Variants in SH3PXD2A observed in about 807,000 individuals in gnomAD.
SH3PXD2A encodes the protein SH3 and PX domains 2A, also known as SH3 and PX domain-containing protein 2A.
In SH3PXD2A, 32 loss-of-function variants were observed where a neutral mutation model predicts 115.2. The ratio of observed to expected loss-of-function variants is 0.28; its 90% CI spans 0.21 to 0.37. The LOEUF (loss-of-function observed/expected upper bound fraction) is 0.37, where lower values mean the gene tolerates loss of function less well. Ranked by LOEUF, SH3PXD2A falls within the 10% of genes least tolerant of loss-of-function variation. SH3PXD2A has a pLI of 1.00. For missense variants in SH3PXD2A, 1,328 were observed against 1,498.7 expected, an observed-to-expected ratio of 0.89 and a Z score of 1.88; for synonymous variants, 610 against 629.1, an observed-to-expected ratio of 0.97 and a Z score of 0.45.
rs1167174010 is a variant in SH3PXD2A at position 103,720,276 on chromosome 10, C to T, written c.398+3994G>A. ...CCTTCCGTGTGAGGAGGCAAAACCA[C>T]CATGGCTGCTCTGTGCCAGGCTCAT... On this transcript the variant is annotated intron_variant, in intron 5 of 14. Coordinates refer to ENST00000369774, the MANE Select transcript of SH3PXD2A (RefSeq NM_001394015.1). 2.0e-5 allele frequency among the ~76,000 whole-genome samples: 3 copies of T among 152,348 alleles called. No homozygotes were observed. In the South Asian group the frequency reaches 6.2e-4, roughly 32 times the overall value.
chr10:103,598,519 C>T lies in SH3PXD2A; in HGVS notation c.*3297G>A, dbSNP rs1337761875. 1 of 152,622 alleles carries T rather than the reference C, an allele frequency of 6.6e-6. No homozygotes were observed. The highest frequency in any genetic ancestry group is 2.4e-5 in the African/African-American group (1 of 41,442). The allele number at this position is 152,622 out of a possible 1,614,324, so 9.5% of individuals were successfully genotyped here. A position where few individuals can be genotyped will look rare whatever the true frequency, so the allele number is the denominator to read the frequency against. Reference sequence around the variant, plus strand: ...CCTCAATAATGACCTCAGAAGGGCTCATTATGGTTAAAGTTGCAGTATACA... The same window carrying T: ...CCTCAATAATGACCTCAGAAGGGCTTATTATGGTTAAAGTTGCAGTATACA... On this transcript the variant is annotated 3_prime_UTR_variant, in exon 15 of 15. Coordinates refer to ENST00000369774, the MANE Select transcript of SH3PXD2A (RefSeq NM_001394015.1).
At chr10:103,834,845 G>T (rs1252874193) in intron 1 of SH3PXD2A, among the ~76,000 whole-genome samples, 1 of 152,228 alleles carries the variant, frequency 6.6e-6, no homozygotes, top group Non-Finnish European at 1.5e-5. Context: ...AAGCAGCCCT[G>T]CGGCCTGTAA....
At chr10:103,762,488 G>T (rs1205539344) in intron 3 of SH3PXD2A, among the ~76,000 whole-genome samples, 1 of 152,182 alleles carries the variant, frequency 6.6e-6, no homozygotes, top group Non-Finnish European at 1.5e-5. Context: ...GCCTGGGGGG[G>T]CTCCCTTTCC....
At chr10:103,764,835 T>C (rs1014574207) in intron 3 of SH3PXD2A, among the ~76,000 whole-genome samples, 15 of 152,250 alleles carry the variant, frequency 9.9e-5, no homozygotes, top group African/African-American at 3.4e-4. Context: ...CTGTGTAGCC[T>C]TGTGCAAGTC....
chr10:103,761,845 C>A (rs1000812646), intron 3 of SH3PXD2A, among the ~76,000 whole-genome samples: 6 of 152,100 alleles, frequency 3.9e-5, no homozygotes, highest in African/African-American at 1.4e-4. Flanking sequence ...GAAAGACATA[C>A]GGCCCCATAG....
chr10:103,754,131 G>A (rs916044379), intron 3 of SH3PXD2A: 4 of 152,156 alleles, frequency 2.6e-5, no homozygotes, highest in African/African-American at 9.7e-5. Context: ...TTGAAGCTTA[G>A]GTCTGCAATG....
rs781020469 is a variant in SH3PXD2A, at chr10:103,596,659, A to ACTCTCTCTCTCT, written c.*5156_*5157insAGAGAGAGAGAG. ...GACACACACACACACACACACACACACACACTCTCTCTCTCTCTCTCTCTC... is the reference window on the plus strand; with the variant it reads ...GACACACACACACACACACACACACACTCTCTCTCTCTCACACTCTCTCTCTCTCTCTCTCTC... On this transcript the variant is annotated 3_prime_UTR_variant, in exon 15 of 15. Transcript: ENST00000369774. The ACTCTCTCTCTCT allele has an allele frequency of 1.0e-4, 5 of 48,888 alleles. No homozygotes were observed. Among genetic ancestry groups the ACTCTCTCTCTCT allele is most frequent in the South Asian group, 6.9e-4 (1 of 1,450 alleles). The allele number at this position is 48,888 out of a possible 1,614,324, so 3.0% of individuals were successfully genotyped here. A position where few individuals can be genotyped will look rare whatever the true frequency, so the allele number is the denominator to read the frequency against.
chr10:103,791,706 G>T (rs2039038124), intron 2 of SH3PXD2A, among the ~76,000 whole-genome samples: 1 of 151,880 alleles, frequency 6.6e-6, no homozygotes, highest in Admixed American at 6.6e-5. Flanking sequence ...GTCCCGAGTT[G>T]CTCTGGACCT....
intron 2 of SH3PXD2A, among the ~76,000 whole-genome samples, chr10:103,768,848 T>C (rs545786109): frequency 7.9e-4 from 121 of 152,278 alleles, no homozygotes; most frequent in African/African-American, 2.7e-3. Context: ...ACTAGGCATG[T>C]GGTGAAGCCT....
chr10:103,725,659 T>A (rs895262868), intron 4 of SH3PXD2A, among the ~76,000 whole-genome samples: 1 of 151,976 alleles, frequency 6.6e-6, no homozygotes, highest in Non-Finnish European at 1.5e-5. Flanking sequence ...AAACCCCGTC[T>A]CTACGAAAAA....
At chr10:103,849,671 G>A (rs922494412) in intron 1 of SH3PXD2A, among the ~76,000 whole-genome samples, 16 of 152,346 alleles carry the variant, frequency 1.1e-4, no homozygotes, top group Non-Finnish European at 7.3e-5. Flanking sequence ...GAAGTAGCAC[G>A]CTGCTCTGGG....
At chr10:103,649,865 C>T (rs1464931797) in intron 8 of SH3PXD2A, among the ~76,000 whole-genome samples, 3 of 152,246 alleles carry the variant, frequency 2.0e-5, no homozygotes, top group Non-Finnish European at 4.4e-5. Context: ...AAGGGAGGAA[C>T]ACAAGGGGCT....
chr10:103,669,105 G>C (rs1255833301), intron 6 of SH3PXD2A, among the ~76,000 whole-genome samples: 3 of 152,186 alleles, frequency 2.0e-5, no homozygotes, highest in Non-Finnish European at 4.4e-5. Context: ...CAGGGTTGGA[G>C]CACCCAGGAC....
chr10:103,632,030 G>T (rs1263513836), intron 8 of SH3PXD2A, among the ~76,000 whole-genome samples: 1 of 152,116 alleles, frequency 6.6e-6, no homozygotes, highest in Admixed American at 6.5e-5. Flanking sequence ...CACCCTAGGT[G>T]GTGGTATGTG....
intron 6 of SH3PXD2A, among the ~76,000 whole-genome samples, chr10:103,677,107 C>T (rs1015823810): frequency 3.3e-5 from 5 of 152,220 alleles, no homozygotes; most frequent in Admixed American, 6.5e-5. Context: ...TCAATAGCAA[C>T]GGACTCAGGA....
At chr10:103,820,066 A>C (rs1440345237) in intron 1 of SH3PXD2A, among the ~76,000 whole-genome samples, 6 of 152,180 alleles carry the variant, frequency 3.9e-5, no homozygotes, top group Admixed American at 2.0e-4. Flanking sequence ...CATTCAATGC[A>C]GGGAGCGTTA....
intron 7 of SH3PXD2A, among the ~76,000 whole-genome samples, chr10:103,664,209 T>C (rs2037353110): frequency 6.6e-6 from 1 of 152,166 alleles, no homozygotes; most frequent in East Asian, 1.9e-4. Flanking sequence ...CCTTTCCCAG[T>C]GTGGGGGCAC....
chr10:103,626,779 T>TA (rs1010606545), intron 9 of SH3PXD2A, among the ~76,000 whole-genome samples: 6 of 66,574 alleles, frequency 9.0e-5, no homozygotes, highest in South Asian at 5.2e-4. Flanking sequence ...AATACAAAAA[T>TA]AAAAAAAAAT....
intron 7 of SH3PXD2A, among the ~76,000 whole-genome samples, chr10:103,661,426 C>G (rs764572011): frequency 3.0e-4 from 45 of 152,340 alleles, no homozygotes; most frequent in Admixed American, 5.2e-4. Flanking sequence ...CAGAAAGAAG[C>G]CTTGTGCTGC....
Sources: gnomAD v4.1 joint callset for allele counts (sites outside exome capture counted in the v4.1 genomes callset) on GRCh38, gnomAD v4.1.1 for gene constraint, MANE v1.5 for transcripts, NCBI Gene and HGNC (gene_info 2026-07-23, HGNC 2026-07-21) for gene names.